The following MICAL2 variants were observed in gnomAD, a reference collection of about 807,000 sequenced individuals.
MICAL2 encodes the protein [F-actin]-monooxygenase MICAL2.
In MICAL2, 77 loss-of-function variants were observed where a neutral mutation model predicts 127.3. That is an observed-to-expected ratio of 0.60 (90% CI 0.50 to 0.73). The LOEUF is 0.73. MICAL2 is among the 30% of genes least tolerant of loss of function. The probability of loss-of-function intolerance (pLI) is 0.00; values close to 1 mark genes in which losing one functional copy is unlikely to be tolerated. For missense variants in MICAL2, 1,351 were observed against 1,434.4 expected, an observed-to-expected ratio of 0.94 and a Z score of 0.94; for synonymous variants, 570 against 551.1, an observed-to-expected ratio of 1.03 and a Z score of -0.48.
chr11:12,148,300 C>T (rs1321601505), intron 2 of MICAL2, among the ~76,000 whole-genome samples: 2 of 152,098 alleles, frequency 1.3e-5, no homozygotes, highest in Admixed American at 1.3e-4. Flanking sequence ...AAGACAGAGA[C>T]TTGATATGAG....
intron 32 of MICAL2, among the ~76,000 whole-genome samples, chr11:12,338,177 C>A (rs1052998041): frequency 1.3e-5 from 2 of 152,170 alleles, no homozygotes; most frequent in African/African-American, 4.8e-5. Context: ...GTTAGCTCTT[C>A]TTGTTGAATT....
At chr11:12,308,434 T>C (rs577366986) in intron 29 of MICAL2, among the ~76,000 whole-genome samples, 1 of 152,364 alleles carries the variant, frequency 6.6e-6, no homozygotes, top group East Asian at 1.9e-4. Flanking sequence ...TTTCTTTCAC[T>C]TTAATTTAGA....
At chr11:12,295,002 A>G, downstream of MICAL2, 3 of 1,251,988 alleles carry the variant, frequency 2.4e-6, no homozygotes, top group Non-Finnish European at 2.1e-6. Flanking sequence ...AAAAAATTTG[A>G]AAAAAATCTG....
downstream of MICAL2, chr11:12,358,632 T>C: frequency 4.6e-6 from 3 of 659,118 alleles, no homozygotes; most frequent in South Asian, 3.2e-5. Context: ...CTTGCACGCA[T>C]GGCAGCTTCC....
chr11:12,178,779 T>G (rs1590205795), intron 3 of MICAL2, among the ~76,000 whole-genome samples: 1 of 151,562 alleles, frequency 6.6e-6, no homozygotes, highest in Non-Finnish European at 1.5e-5. Context: ...TGGAGTGCAG[T>G]GGCATGATCA....
chr11:12,116,410 A>G (rs1850040455), intron 1 of MICAL2, among the ~76,000 whole-genome samples: 1 of 150,922 alleles, frequency 6.6e-6, no homozygotes, highest in African/African-American at 2.4e-5. Context: ...AGGGGAAGAC[A>G]AAATGACACA....
intron 3 of MICAL2, among the ~76,000 whole-genome samples, chr11:12,186,253 GT>G (rs1554970400): frequency 1.3e-5 from 2 of 152,288 alleles, no homozygotes; most frequent in East Asian, 1.9e-4. Context: ...GCTTGGGGGA[GT>G]TTTTTTCTTT....
At chr11:12,136,381 CT>C (rs1851838176) in intron 1 of MICAL2, among the ~76,000 whole-genome samples, 1 of 152,202 alleles carries the variant, frequency 6.6e-6, no homozygotes, top group Non-Finnish European at 1.5e-5. Context: ...CAGTTTCCCC[CT>C]CTGTAATGAT....
rs797010701 is a variant in MICAL2, at chr11:12,216,744, T to C, written c.948+425T>C. Among the ~76,000 whole-genome samples, 50 of 152,320 alleles carry C rather than the reference T, an allele frequency of 3.3e-4. 1 individual carries two copies. The highest frequency in any genetic ancestry group is 1.2e-3 in the African/African-American group (49 of 41,578). On this transcript the variant is annotated intron_variant, in intron 8 of 27. Coordinates refer to ENST00000683283, the MANE Select transcript of MICAL2 (RefSeq NM_001282663.2). ...CAGTGTGGGGGAATTTCATTATTCATGCAGTCAAAAAGACTCGATCTGCAT... is the reference window on the plus strand; with the variant it reads ...CAGTGTGGGGGAATTTCATTATTCACGCAGTCAAAAAGACTCGATCTGCAT...
intron 16 of MICAL2, 79 bp from the exon 17 acceptor site, chr11:12,239,357 C>A: frequency 6.3e-7 from 1 of 1,591,462 alleles, no homozygotes; most frequent in Non-Finnish European, 8.6e-7. Context: ...GCTAGTCCCA[C>A]GTCCTGAGTC....
intron 21 of MICAL2, among the ~76,000 whole-genome samples, chr11:12,247,674 GC>G (rs1860943901): frequency 6.6e-6 from 1 of 152,160 alleles, no homozygotes; most frequent in Non-Finnish European, 1.5e-5. Flanking sequence ...CCCAAACTCT[GC>G]CCCACCATTG....
chr11:12,194,858 T>C (rs1314752159), intron 3 of MICAL2, among the ~76,000 whole-genome samples: 1 of 152,110 alleles, frequency 6.6e-6, no homozygotes, highest in Non-Finnish European at 1.5e-5. Context: ...AAAAAGAAAA[T>C]ATATTGTAAT....
At chr11:12,124,869 C>G (rs1850788336) in intron 1 of MICAL2, among the ~76,000 whole-genome samples, 1 of 152,230 alleles carries the variant, frequency 6.6e-6, no homozygotes, top group Non-Finnish European at 1.5e-5. Context: ...CCAACTTCCC[C>G]TTCTTGGTCT....
intron 32 of MICAL2, among the ~76,000 whole-genome samples, chr11:12,349,584 TTA>T (rs1939013930): frequency 6.6e-6 from 1 of 152,142 alleles, no homozygotes; most frequent in Non-Finnish European, 1.5e-5. Flanking sequence ...GTTATCGTGG[TTA>T]TGTGACCATT....
At chr11:12,147,800 C>T (rs1341803428) in intron 2 of MICAL2, among the ~76,000 whole-genome samples, 2 of 152,102 alleles carry the variant, frequency 1.3e-5, no homozygotes, top group Non-Finnish European at 2.9e-5. Context: ...CTAGTGGGTC[C>T]CAAAGTTGGC....
At chr11:12,336,015 T>A (rs1424445045) in intron 32 of MICAL2, among the ~76,000 whole-genome samples, 1 of 152,238 alleles carries the variant, frequency 6.6e-6, no homozygotes, top group Non-Finnish European at 1.5e-5. Context: ...TTGATGGGGA[T>A]GGCATTGAAT....
At chr11:12,282,423 C>T (rs756716324) in intron 2 of MICAL2, among the ~76,000 whole-genome samples, 4 of 152,098 alleles carry the variant, frequency 2.6e-5, no homozygotes, top group Non-Finnish European at 5.9e-5. Flanking sequence ...CCTTTCATCC[C>T]TTCCCTCCAT....
intron 32 of MICAL2, among the ~76,000 whole-genome samples, chr11:12,344,017 C>A (rs574621938): frequency 6.6e-6 from 1 of 152,216 alleles, no homozygotes; most frequent in South Asian, 2.1e-4. Flanking sequence ...GCATATTGAC[C>A]GGGCACGATT....
chr11:12,256,659 C>T, intron 23 of MICAL2, 126 bp from the exon 24 acceptor site: 1 of 850,124 alleles, frequency 1.2e-6, no homozygotes. Context: ...GCTGCAGTGG[C>T]AGTAGCAGGA....
Sources: allele counts gnomAD v4.1 joint callset (sites outside exome capture counted in the v4.1 genomes callset), GRCh38; gene constraint gnomAD v4.1.1; transcripts MANE v1.5; gene names NCBI Gene and HGNC (gene_info 2026-07-23, HGNC 2026-07-21).